Variants in SGCZ observed in about 807,000 individuals in gnomAD.
The protein encoded by SGCZ is zeta-sarcoglycan.
A neutral mutation model predicts 41.3 loss-of-function variants in SGCZ; 40 were observed. The ratio of observed to expected loss-of-function variants is 0.97; its 90% CI spans 0.75 to 1.26. SGCZ has a LOEUF of 1.26. SGCZ is among the 50% of genes most tolerant of loss of function. The probability of loss-of-function intolerance (pLI) is 0.00; values close to 1 mark genes in which losing one functional copy is unlikely to be tolerated. For synonymous variants in SGCZ, 206 were observed against 137.5 expected (o/e 1.50, Z -3.49); for missense variants, 552 against 369.8 (o/e 1.49, Z -4.04).
chr8:15,040,369 C>T (rs948331863), intron 1 of SGCZ, among the ~76,000 whole-genome samples: 1 of 152,150 alleles, frequency 6.6e-6, no homozygotes, highest in Non-Finnish European at 1.5e-5. Context: ...AATCCCAGCA[C>T]TTTGAAAGGC....
chr8:14,224,630 A>G (rs913973701), intron 4 of SGCZ, among the ~76,000 whole-genome samples: 2 of 152,188 alleles, frequency 1.3e-5, no homozygotes, highest in Admixed American at 6.5e-5. Context: ...ACAGAAAAAC[A>G]GTAAGTTCAT....
chr8:15,156,310 C>A (rs755306661), intron 1 of SGCZ, among the ~76,000 whole-genome samples: 1 of 152,012 alleles, frequency 6.6e-6, no homozygotes, highest in Non-Finnish European at 1.5e-5. Context: ...AAAGTTCCTA[C>A]GCAGAAATAA....
At chr8:14,849,863 C>T (rs952872105) in intron 1 of SGCZ, among the ~76,000 whole-genome samples, 6 of 152,094 alleles carry the variant, frequency 3.9e-5, no homozygotes, top group African/African-American at 1.2e-4. Flanking sequence ...GTACTATCTA[C>T]GATAGAAACT....
chr8:14,252,628 C>T (rs919906727), intron 3 of SGCZ, among the ~76,000 whole-genome samples: 4 of 152,056 alleles, frequency 2.6e-5, no homozygotes, highest in Non-Finnish European at 5.9e-5. Flanking sequence ...TTGTATTGTA[C>T]CTGCTAAGTC....
At chr8:15,167,230 C>T (rs1799690983) in intron 1 of SGCZ, among the ~76,000 whole-genome samples, 2 of 152,192 alleles carry the variant, frequency 1.3e-5, no homozygotes. Flanking sequence ...CAACAGAACA[C>T]AATTGGAGAA....
intron 2 of SGCZ, among the ~76,000 whole-genome samples, chr8:14,345,279 G>T (rs1002986101): frequency 3.3e-5 from 5 of 152,074 alleles, no homozygotes; most frequent in Admixed American, 2.6e-4. Context: ...GCACTATCAA[G>T]AACTGCTAAG....
chr8:14,404,871 G>A (rs893115027), intron 2 of SGCZ, among the ~76,000 whole-genome samples: 3 of 152,202 alleles, frequency 2.0e-5, no homozygotes, highest in African/African-American at 7.2e-5. Context: ...AAGTGAGACT[G>A]GGAGCAAGAG....
At chr8:14,889,055 A>T (rs958813606) in intron 1 of SGCZ, among the ~76,000 whole-genome samples, 2 of 152,144 alleles carry the variant, frequency 1.3e-5, no homozygotes, top group Non-Finnish European at 2.9e-5. Context: ...CCTTCACCCC[A>T]ATAACTTTCC....
At chr8:14,371,029 A>T (rs116551553) in intron 2 of SGCZ, among the ~76,000 whole-genome samples, 3,011 of 152,084 alleles carry the variant, frequency 0.02, 80 homozygotes, top group African/African-American at 0.056. Context: ...TTGAAAAAAG[A>T]TGCATAATTT....
At chr8:14,473,720 G>A (rs865841347) in intron 2 of SGCZ, among the ~76,000 whole-genome samples, 8 of 152,054 alleles carry the variant, frequency 5.3e-5, no homozygotes, top group Middle Eastern at 3.4e-3. Context: ...GGTGGATCAC[G>A]AGGTCAGGAG....
intron 1 of SGCZ, among the ~76,000 whole-genome samples, chr8:15,158,824 G>T (rs1192192043): frequency 1.3e-5 from 2 of 152,188 alleles, no homozygotes; most frequent in Non-Finnish European, 2.9e-5. Context: ...TCTAGACAGG[G>T]AGAAAGATCC....
intron 3 of SGCZ, among the ~76,000 whole-genome samples, chr8:14,265,189 C>T (rs1799828914): frequency 6.6e-6 from 1 of 152,124 alleles, no homozygotes; most frequent in South Asian, 2.1e-4. Flanking sequence ...CTTTAAAACC[C>T]TTTTCCCATT....
intron 1 of SGCZ, chr8:14,853,520 G>A: frequency 3.8e-6 from 2 of 530,384 alleles, no homozygotes; most frequent in South Asian, 2.8e-5. Flanking sequence ...GCAGGTGACG[G>A]GGAGATTCTG....
At chr8:14,734,724 A>G (rs899760441) in intron 1 of SGCZ, among the ~76,000 whole-genome samples, 2 of 152,170 alleles carry the variant, frequency 1.3e-5, no homozygotes, top group African/African-American at 2.4e-5. Context: ...ATTGCATAGT[A>G]TTAAACAAGA....
intron 1 of SGCZ, among the ~76,000 whole-genome samples, chr8:14,744,647 T>A (rs1458578866): frequency 1.3e-5 from 2 of 152,132 alleles, no homozygotes; most frequent in African/African-American, 4.8e-5. Flanking sequence ...TACTTTAACT[T>A]GGAACTACTG....
chr8:14,932,951 G>A (rs1394837918), intron 1 of SGCZ, among the ~76,000 whole-genome samples: 1 of 151,744 alleles, frequency 6.6e-6, no homozygotes, highest in Admixed American at 6.6e-5. Flanking sequence ...ACACAGGAAG[G>A]GAAAACCAAA....
At chr8:14,818,122 A>T (rs1019957446) in intron 1 of SGCZ, among the ~76,000 whole-genome samples, 5 of 151,550 alleles carry the variant, frequency 3.3e-5, no homozygotes, top group African/African-American at 1.2e-4. Flanking sequence ...AGTGACCCCA[A>T]CTCCCTGGAG....
chr8:14,506,830 C>T (rs1427791032), intron 2 of SGCZ, among the ~76,000 whole-genome samples: 1 of 152,162 alleles, frequency 6.6e-6, no homozygotes, highest in Non-Finnish European at 1.5e-5. Context: ...AGGCAGCCCA[C>T]ATTCTCTTAG....
At chr8:14,423,611 T>G (rs180880977) in intron 2 of SGCZ, among the ~76,000 whole-genome samples, 4 of 152,222 alleles carry the variant, frequency 2.6e-5, no homozygotes, top group Non-Finnish European at 5.9e-5. Context: ...AGACAGGGTT[T>G]CTCCGTTGAT....
Sources: gnomAD v4.1 joint callset for allele counts (sites outside exome capture counted in the v4.1 genomes callset) on GRCh38, gnomAD v4.1.1 for gene constraint, MANE v1.5 for transcripts, NCBI Gene and HGNC (gene_info 2026-07-23, HGNC 2026-07-21) for gene names.